The following SGCZ variants were observed in gnomAD, a reference collection of about 807,000 sequenced individuals.
The protein encoded by SGCZ is zeta-sarcoglycan.
SGCZ carries 40 observed loss-of-function variants against 41.3 expected under a neutral mutation model. The observed-to-expected ratio is 0.97, with a 90% CI of 0.75 to 1.26. The LOEUF is 1.26. SGCZ is among the 50% of genes most tolerant of loss of function. SGCZ has a pLI of 0.00. For synonymous variants in SGCZ, 206 were observed against 137.5 expected, an observed-to-expected ratio of 1.50 and a Z score of -3.49; for missense variants, 552 against 369.8, an observed-to-expected ratio of 1.49 and a Z score of -4.04.
At chr8:14,818,068 T>C (rs1186504471) in intron 1 of SGCZ, among the ~76,000 whole-genome samples, 2 of 152,168 alleles carry the variant, frequency 1.3e-5, no homozygotes, top group Admixed American at 6.5e-5. Context: ...CATCCGGCCC[T>C]TCTGTGCCCA....
intron 1 of SGCZ, among the ~76,000 whole-genome samples, chr8:14,869,698 T>G (rs140136844): frequency 0.024 from 3,590 of 152,260 alleles, 53 homozygotes; most frequent in Middle Eastern, 0.048. Flanking sequence ...CCCCATTGTC[T>G]CAGCCCAAAA....
At chr8:14,896,381 G>C (rs778160029) in intron 1 of SGCZ, among the ~76,000 whole-genome samples, 1 of 152,186 alleles carries the variant, frequency 6.6e-6, no homozygotes, top group Non-Finnish European at 1.5e-5. Flanking sequence ...GTGTCAGGCA[G>C]AGTTACTGGG....
chr8:14,903,654 G>C (rs186339614), intron 1 of SGCZ, among the ~76,000 whole-genome samples: 8 of 152,018 alleles, frequency 5.3e-5, no homozygotes, highest in African/African-American at 1.9e-4. Context: ...GGAAGACTGA[G>C]AATTTGAAAG....
chr8:15,031,935 C>CTG (rs1554543382), intron 1 of SGCZ, among the ~76,000 whole-genome samples: 101 of 148,122 alleles, frequency 6.8e-4, no homozygotes, highest in Middle Eastern at 3.5e-3. Flanking sequence ...CTCTCTCTCT[C>CTG]TCTGTCTGTC....
chr8:14,586,688 A>C (rs1805069591), intron 1 of SGCZ, among the ~76,000 whole-genome samples: 1 of 152,184 alleles, frequency 6.6e-6, no homozygotes. Context: ...CTGTGGTCAA[A>C]ACTGCATGTT....
chr8:14,199,792 C>A (rs1339812688), intron 4 of SGCZ, among the ~76,000 whole-genome samples: 1 of 152,010 alleles, frequency 6.6e-6, no homozygotes, highest in East Asian at 1.9e-4. Context: ...AACGCATTTC[C>A]TTTTTAAAGA....
At chr8:15,104,077 C>T (rs944969758) in intron 1 of SGCZ, among the ~76,000 whole-genome samples, 5 of 152,270 alleles carry the variant, frequency 3.3e-5, no homozygotes, top group African/African-American at 7.2e-5. Context: ...ACCTTTCTCA[C>T]GTTTCTGTAA....
intron 1 of SGCZ, among the ~76,000 whole-genome samples, chr8:14,584,188 G>C (rs1804985567): frequency 6.6e-6 from 1 of 152,110 alleles, no homozygotes; most frequent in Non-Finnish European, 1.5e-5. Context: ...TGTTAGACTT[G>C]AGAGGCAGAT....
intron 4 of SGCZ, among the ~76,000 whole-genome samples, chr8:14,228,702 T>C (rs1008712710): frequency 4.5e-4 from 69 of 152,042 alleles, no homozygotes; most frequent in Non-Finnish European, 1.8e-4. Flanking sequence ...CTTTACAATA[T>C]GTCTTAAAAG....
intron 2 of SGCZ, among the ~76,000 whole-genome samples, chr8:14,408,970 T>TGTGTGTGTGC (rs1554513898): frequency 9.6e-6 from 1 of 103,738 alleles, no homozygotes; most frequent in African/African-American, 3.9e-5. Flanking sequence ...TGTGTGTGTG[T>TGTGTGTGTGC]GCATGTGTGC....
At chr8:15,012,373 G>A (rs145607367) in intron 1 of SGCZ, among the ~76,000 whole-genome samples, 338 of 150,684 alleles carry the variant, frequency 2.2e-3, no homozygotes, top group South Asian at 0.012. Flanking sequence ...TGAAGTGAGA[G>A]GATCACTTGA....
intron 3 of SGCZ, among the ~76,000 whole-genome samples, chr8:14,245,643 T>C (rs1167805477): frequency 6.6e-6 from 1 of 151,854 alleles, no homozygotes; most frequent in Non-Finnish European, 1.5e-5. Flanking sequence ...GAAACTACCA[T>C]CAGCGTGAAA....
intron 1 of SGCZ, among the ~76,000 whole-genome samples, chr8:15,213,628 T>C (rs901869097): frequency 1.3e-5 from 2 of 151,752 alleles, no homozygotes; most frequent in African/African-American, 4.8e-5. Flanking sequence ...CCTACATAGA[T>C]TTATAAATTT....
chr8:14,931,625 T>C (rs1436768097), intron 1 of SGCZ, among the ~76,000 whole-genome samples: 1 of 152,026 alleles, frequency 6.6e-6, no homozygotes, highest in African/African-American at 2.4e-5. Context: ...ATTTAGATAA[T>C]TTTCAGATAT....
Position 14,651,537 on chromosome 8 carries a change from C to A in SGCZ, c.40-96611G>T, listed in dbSNP as rs77614214. ...TAAGCGTGGATGAATTGGCCCATTA[C>A]CTCTCTTTTGTGTTTTCTTAATCTT... On this transcript the variant is annotated intron_variant, in intron 1 of 7. Coordinates refer to ENST00000382080, the MANE Select transcript of SGCZ (RefSeq NM_139167.4). Among the ~76,000 whole-genome samples, 1,455 of 152,084 alleles carry A rather than the reference C, an allele frequency of 9.6e-3. 19 individuals are homozygous for A. The highest frequency in any genetic ancestry group is 0.037 in the Middle Eastern group (11 of 294).
intron 2 of SGCZ, among the ~76,000 whole-genome samples, chr8:14,444,960 T>A (rs1182876717): frequency 6.6e-6 from 1 of 152,170 alleles, no homozygotes; most frequent in African/African-American, 2.4e-5. Flanking sequence ...TCTTTGTTAC[T>A]CAAATTTGGC....
chr8:14,333,512 G>T (rs745553916), intron 2 of SGCZ, among the ~76,000 whole-genome samples: 25 of 151,466 alleles, frequency 1.7e-4, no homozygotes, highest in Non-Finnish European at 3.1e-4. Flanking sequence ...CAGAATTAAT[G>T]ACCTGGTGAA....
intron 1 of SGCZ, among the ~76,000 whole-genome samples, chr8:14,854,065 A>C (rs190436886): frequency 7.9e-6 from 1 of 126,166 alleles, no homozygotes; most frequent in South Asian, 2.5e-4. Context: ...ATCCTTTTGT[A>C]TATATATTCT....
intron 1 of SGCZ, among the ~76,000 whole-genome samples, chr8:14,647,406 A>C (rs952896873): frequency 2.0e-5 from 3 of 152,042 alleles, no homozygotes; most frequent in Admixed American, 6.6e-5. Context: ...GAAAAGACTA[A>C]AAGTTTATTT....
Sources: gnomAD v4.1 joint callset for allele counts (sites outside exome capture counted in the v4.1 genomes callset) on GRCh38, gnomAD v4.1.1 for gene constraint, MANE v1.5 for transcripts, NCBI Gene and HGNC (gene_info 2026-07-23, HGNC 2026-07-21) for gene names.